Variants in TBC1D30 observed in about 807,000 individuals in gnomAD.
TBC1D30 encodes TBC1 domain family, member 30.
TBC1D30 carries 31 observed loss-of-function variants against 63.2 expected under a neutral mutation model. The observed-to-expected ratio is 0.49, with a 90% CI of 0.37 to 0.66. The LOEUF (loss-of-function observed/expected upper bound fraction) is 0.66, where lower values mean the gene tolerates loss of function less well. Among genes scored for constraint, TBC1D30 ranks in the 30% least tolerant of loss-of-function variants. TBC1D30 has a pLI of 0.00. For synonymous variants in TBC1D30, 307 were observed against 361.5 expected, an observed-to-expected ratio of 0.85 and a Z score of 1.71; for missense variants, 810 against 953.6, an observed-to-expected ratio of 0.85 and a Z score of 1.98.
chr12:64,797,908 A>G (rs1366651051), intron 2 of TBC1D30, among the ~76,000 whole-genome samples: 1 of 152,104 alleles, frequency 6.6e-6, no homozygotes, highest in Non-Finnish European at 1.5e-5. Flanking sequence ...CTGCTGGATG[A>G]TTTCAACCAG....
At chr12:64,799,626 C>T (rs181896994) in intron 2 of TBC1D30, among the ~76,000 whole-genome samples, 1 of 152,294 alleles carries the variant, frequency 6.6e-6, no homozygotes, top group African/African-American at 2.4e-5. Context: ...TTCCTCTTCT[C>T]CAATAACATG....
rs573987230 is a variant in TBC1D30 at position 64,759,809 on chromosome 12, C to A, written c.-376+160C>A. ...TAAAGGAAGAGAAAGGAGGACTGTA[C>A]ATAACAGAAATTATCATCAGCTGGT... On this transcript the variant is annotated intron_variant, in intron 1 of 13. Coordinates refer to the TBC1D30 transcript ENST00000674237. Among the ~76,000 whole-genome samples the A allele has an allele frequency of 1.4e-4, 22 of 152,326 alleles. No homozygotes were observed. In the South Asian group the frequency reaches 4.6e-3, roughly 32 times the overall value.
chr12:64,865,280 A>T (rs1279603843), intron 9 of TBC1D30, among the ~76,000 whole-genome samples: 2 of 149,522 alleles, frequency 1.3e-5, no homozygotes, highest in Non-Finnish European at 3.0e-5. Context: ...ATATGGATGA[A>T]TGTGTTAAAT....
At chr12:64,862,662 A>T (rs1340408039) in intron 8 of TBC1D30, among the ~76,000 whole-genome samples, 1 of 152,230 alleles carries the variant, frequency 6.6e-6, no homozygotes, top group East Asian at 1.9e-4. Context: ...TTAGCTCATC[A>T]TCCTACTTAT....
chr12:64,803,538 A>G (rs1872700789), intron 2 of TBC1D30, among the ~76,000 whole-genome samples: 1 of 152,136 alleles, frequency 6.6e-6, no homozygotes. Context: ...TTTTGTTGCC[A>G]TTGCTTTTGG....
chr12:64,822,132 A>C (rs1449365357), upstream of TBC1D30, among the ~76,000 whole-genome samples: 2 of 152,114 alleles, frequency 1.3e-5, no homozygotes, highest in Admixed American at 1.3e-4. Flanking sequence ...TGTTTAGGCT[A>C]TCTTTATGAA....
intron 2 of TBC1D30, among the ~76,000 whole-genome samples, chr12:64,795,939 G>A (rs996591302): frequency 2.0e-5 from 3 of 151,734 alleles, no homozygotes; most frequent in Non-Finnish European, 2.9e-5. Flanking sequence ...GAATTTGCCT[G>A]CAAAATTGTG....
At chr12:64,845,642 C>T (rs911722698) in intron 8 of TBC1D30, among the ~76,000 whole-genome samples, 6 of 149,864 alleles carry the variant, frequency 4.0e-5, no homozygotes, top group East Asian at 4.1e-4. Context: ...AGGAGAATGG[C>T]GTGAACCTGG....
At chr12:64,825,797 G>A (rs1476744675) in intron 1 of TBC1D30, among the ~76,000 whole-genome samples, 1 of 152,230 alleles carries the variant, frequency 6.6e-6, no homozygotes, top group Non-Finnish European at 1.5e-5. Context: ...GCTGCAGAGG[G>A]AGTTGGCTGT....
At chr12:64,769,790 G>A (rs904767595) in intron 1 of TBC1D30, among the ~76,000 whole-genome samples, 9 of 152,122 alleles carry the variant, frequency 5.9e-5, no homozygotes, top group African/African-American at 2.2e-4. Context: ...AAAGTGCTGG[G>A]ATTACAGGTG....
intron 1 of TBC1D30, among the ~76,000 whole-genome samples, chr12:64,784,533 G>A (rs1219048035): frequency 6.7e-6 from 1 of 149,848 alleles, no homozygotes; most frequent in South Asian, 2.2e-4. Context: ...TCTAATGGGG[G>A]GCTAGCTAAG....
intron 7 of TBC1D30, among the ~76,000 whole-genome samples, chr12:64,841,526 G>C (rs527969877): frequency 5.3e-5 from 8 of 152,118 alleles, no homozygotes; most frequent in South Asian, 2.1e-4. Flanking sequence ...AAGCCTTTTC[G>C]TGACTCATGC....
chr12:64,788,442 T>C (rs1409947835), intron 2 of TBC1D30, among the ~76,000 whole-genome samples: 1 of 152,080 alleles, frequency 6.6e-6, no homozygotes, highest in East Asian at 1.9e-4. Context: ...AATGCATGGG[T>C]TTTTGATGTG....
In TBC1D30 at chr12:64,781,125, A is replaced by C. The variant is rs1014642666; in HGVS notation, c.317A>C (p.Glu106Ala). 24 of 1,006,592 alleles carry C rather than the reference A, an allele frequency of 2.4e-5. No homozygotes were observed. The South Asian group carries it at 5.2e-4, about 22-fold the overall frequency. 62.4% of individuals were successfully genotyped at this position (1,006,592 alleles called of 1,614,324 possible). The change falls in exon 1 of 13, where the codon GAG becomes GCG. Residue 106 changes from glutamate to alanine, a missense_variant. Coordinates refer to the TBC1D30 transcript ENST00000542120. The stretch of plus-strand genomic sequence containing the variant: ...GCGGCGGGCGGGGGCCGCGGGGCCG[A>C]GGGCCGCCGGCGGCGCCGCGACAGC...
In TBC1D30 at chr12:64,785,115, T is replaced by C. The variant is rs527941867; in HGVS notation, c.479-766T>C. On this transcript the variant is annotated intron_variant, in intron 1 of 12. Coordinates refer to the TBC1D30 transcript ENST00000542120. Reference sequence around the variant, plus strand: ...GGTAAAATTATTTACTTTTAGCTCATCATTTGTAAACATAGATGAGTACTT... The same window carrying C: ...GGTAAAATTATTTACTTTTAGCTCACCATTTGTAAACATAGATGAGTACTT... 5.4e-4 allele frequency among the ~76,000 whole-genome samples: 82 copies of C among 152,026 alleles called. 1 individual carries two copies. The South Asian group carries it at 0.016, about 30-fold the overall frequency.
Position 64,832,121 on chromosome 12 carries a change from C to T in TBC1D30, c.411C>T (p.Asp137=), listed in dbSNP as rs895471058. ...AATATTGTTTCCCTTCCATTTAGGA[C>T]CTTCACCGCACAGGCTGTAGTTCTT... The part of the protein sequence containing the change: ...DDSMGIQIVK[D]LHRTGCSSYC... Residue 137 remains aspartate (D), a splice_region_variant and synonymous_variant, in exon 5 of 12, where the codon GAC becomes GAT. Transcript: ENST00000539867. 6.5e-7 allele frequency: 1 copy of T among 1,528,686 alleles called. No homozygotes were observed. The highest frequency in any genetic ancestry group is 2.0e-5 in the Admixed American group (1 of 50,290). The allele number at this position is 1,528,686 out of a possible 1,614,324, so 94.7% of individuals were successfully genotyped here.
At chr12:64,797,133 C>T (rs1445908340) in intron 2 of TBC1D30, among the ~76,000 whole-genome samples, 1 of 151,926 alleles carries the variant, frequency 6.6e-6, no homozygotes, top group Non-Finnish European at 1.5e-5. Context: ...GCCTGGCTCC[C>T]CAGCCCAGAC....
At chr12:64,806,862 G>A (rs1415454466) in intron 2 of TBC1D30, among the ~76,000 whole-genome samples, 1 of 152,204 alleles carries the variant, frequency 6.6e-6, no homozygotes, top group African/African-American at 2.4e-5. Context: ...AGAAAGGAAG[G>A]AGACTGACAC....
chr12:64,848,742 C>T (rs1332851406), intron 8 of TBC1D30, among the ~76,000 whole-genome samples: 1 of 152,124 alleles, frequency 6.6e-6, no homozygotes, highest in Admixed American at 6.5e-5. Flanking sequence ...TGTAAGTGTG[C>T]ATGTGTCTTT....
Sources: allele counts gnomAD v4.1 joint callset (sites outside exome capture counted in the v4.1 genomes callset), GRCh38; gene constraint gnomAD v4.1.1; transcripts MANE v1.5; gene names NCBI Gene and HGNC (gene_info 2026-07-23, HGNC 2026-07-21).